HTR7: variants seen among roughly 807,000 people sequenced by gnomAD.
HTR7 encodes the protein 5-hydroxytryptamine receptor 7, also known as 5-HT-7.
Under a neutral mutation model 34.0 loss-of-function variants are expected in HTR7, and 16 were observed. The observed-to-expected ratio is 0.47, with a 90% CI of 0.32 to 0.71. The LOEUF (loss-of-function observed/expected upper bound fraction) is 0.71, where lower values mean the gene tolerates loss of function less well. HTR7 is among the 30% of genes least tolerant of loss of function. The pLI is 0.04. For synonymous variants in HTR7, 265 were observed against 260.2 expected (o/e 1.02, Z -0.18); for missense variants, 504 against 625.5 (o/e 0.81, Z 2.07).
intron 1 of HTR7, among the ~76,000 whole-genome samples, chr10:90,850,428 T>G (rs1421349052): frequency 6.6e-6 from 1 of 152,226 alleles, no homozygotes; most frequent in African/African-American, 2.4e-5. Flanking sequence ...CCTAGCATTT[T>G]CTCTGGAACA....
At chr10:90,794,978 A>G (rs938498905) in intron 1 of HTR7, among the ~76,000 whole-genome samples, 1 of 152,242 alleles carries the variant, frequency 6.6e-6, no homozygotes, top group African/African-American at 2.4e-5. Context: ...CCACTGTTAT[A>G]CATGTGGTCT....
chr10:90,791,904 G>T lies in HTR7; in HGVS notation c.540-42310C>A, dbSNP rs112824746. The stretch of plus-strand genomic sequence containing the variant: ...TCTTACAGTTCTTTGGGATTTACCT[G>T]GGAAATCTCCAAATCTGTTTTCAGT... On this transcript the variant is annotated intron_variant, in intron 1 of 3. Transcript: ENST00000336152. Among the ~76,000 whole-genome samples, 1,300 of 152,120 alleles carry T rather than the reference G, an allele frequency of 8.5e-3. 12 individuals are homozygous for T. The highest frequency in any genetic ancestry group is 0.029 in the African/African-American group (1,214 of 41,494).
At chr10:90,778,868 T>G (rs943033676) in intron 1 of HTR7, among the ~76,000 whole-genome samples, 2 of 152,200 alleles carry the variant, frequency 1.3e-5, no homozygotes, top group Admixed American at 6.5e-5. Flanking sequence ...GAACTTGAAT[T>G]TTTTAGCTTT....
intron 1 of HTR7, among the ~76,000 whole-genome samples, chr10:90,832,061 G>A (rs566892505): frequency 6.6e-6 from 1 of 152,362 alleles, no homozygotes; most frequent in East Asian, 1.9e-4. Context: ...CCCTTAGCTA[G>A]ACATAAAGAT....
rs573074898 is a variant in HTR7 at position 90,750,493 on chromosome 10, T to C, written c.540-899A>G. Among the ~76,000 whole-genome samples the C allele has an allele frequency of 2.0e-5, 3 of 152,354 alleles. No homozygotes were observed. The South Asian group carries it at 6.2e-4, about 32-fold the overall frequency. The stretch of plus-strand genomic sequence containing the variant: ...TATTTTTCAGCTTTTCAAACCTGTG[T>C]TTTCCTCATATTTAATAGTCGTAGA... On this transcript the variant is annotated intron_variant, in intron 1 of 3. Transcript: ENST00000336152.
intron 1 of HTR7, among the ~76,000 whole-genome samples, chr10:90,830,409 G>C (rs1463075859): frequency 1.3e-5 from 2 of 152,116 alleles, no homozygotes; most frequent in Non-Finnish European, 2.9e-5. Flanking sequence ...TTTTTATTCT[G>C]GAACACCTAA....
At chr10:90,804,336 A>G (rs976194256) in intron 1 of HTR7, among the ~76,000 whole-genome samples, 1 of 152,202 alleles carries the variant, frequency 6.6e-6, no homozygotes, top group Non-Finnish European at 1.5e-5. Context: ...AGGGCAGGGT[A>G]TATGTCTCCC....
intron 1 of HTR7, among the ~76,000 whole-genome samples, chr10:90,795,020 G>C (rs942883676): frequency 6.6e-6 from 1 of 152,122 alleles, no homozygotes; most frequent in Non-Finnish European, 1.5e-5. Flanking sequence ...ACTCAGCAGC[G>C]CATGACAGTA....
At chr10:90,854,191 T>C (rs1186600495) in intron 1 of HTR7, among the ~76,000 whole-genome samples, 4 of 152,196 alleles carry the variant, frequency 2.6e-5, no homozygotes, top group Admixed American at 6.5e-5. Context: ...CCGTGTCTAC[T>C]AAAATTCAAA....
Position 90,858,026 on chromosome 10 carries a change from A to G in HTR7, c.-355T>C, listed in dbSNP as rs1402469073. Among the ~76,000 whole-genome samples, 1 of 148,176 alleles carries G rather than the reference A, an allele frequency of 6.7e-6. No individual in the cohort carries two copies. Among genetic ancestry groups the G allele is most frequent in the Non-Finnish European group, 1.5e-5 (1 of 66,764 alleles). ...GAGAGCGCCCGGGCGGCAGCGGCAG[A>G]AGTTGCGGAGTGCGCCCCGCCCCTC... is the stretch of plus-strand genomic sequence containing the variant. On this transcript the variant is annotated 5_prime_UTR_variant, in exon 1 of 4. Coordinates refer to ENST00000336152, the MANE Select transcript of HTR7 (RefSeq NM_019859.4).
intron 1 of HTR7, among the ~76,000 whole-genome samples, chr10:90,814,804 A>G (rs1845873318): frequency 6.6e-6 from 1 of 152,226 alleles, no homozygotes; most frequent in Admixed American, 6.5e-5. Flanking sequence ...CCAGCATTAA[A>G]GGGCCCCAAA....
intron 1 of HTR7, among the ~76,000 whole-genome samples, chr10:90,814,341 T>C (rs529013355): frequency 2.0e-5 from 3 of 152,194 alleles, no homozygotes; most frequent in African/African-American, 7.2e-5. Flanking sequence ...TGATAAATGC[T>C]GTGGTTATAG....
chr10:90,815,935 G>A (rs12415970), intron 1 of HTR7, among the ~76,000 whole-genome samples: 42,202 of 152,022 alleles, frequency 0.28, 6,436 homozygotes, highest in African/African-American at 0.41. Flanking sequence ...TCCACTTGAG[G>A]AGCATTTACT....
intron 1 of HTR7, among the ~76,000 whole-genome samples, chr10:90,841,985 C>A (rs543417146): frequency 6.6e-6 from 1 of 151,992 alleles, no homozygotes; most frequent in African/African-American, 2.4e-5. Flanking sequence ...GGGCATAGAG[C>A]AAGACTCTGT....
intron 1 of HTR7, among the ~76,000 whole-genome samples, chr10:90,812,720 C>T (rs1589462113): frequency 6.6e-6 from 1 of 152,260 alleles, no homozygotes; most frequent in East Asian, 1.9e-4. Context: ...CCCATTCTCT[C>T]TCTCCATACC....
chr10:90,804,025 G>T (rs1028352133), intron 1 of HTR7, among the ~76,000 whole-genome samples: 5 of 152,200 alleles, frequency 3.3e-5, no homozygotes, highest in Non-Finnish European at 7.3e-5. Flanking sequence ...GAGCAGAGCA[G>T]TGTGGCAGAG....
chr10:90,791,805 C>T (rs541934974), intron 1 of HTR7, among the ~76,000 whole-genome samples: 239 of 152,118 alleles, frequency 1.6e-3, no homozygotes, highest in Non-Finnish European at 2.2e-3. Flanking sequence ...CAATTTCTCA[C>T]AAACATGAAA....
intron 1 of HTR7, among the ~76,000 whole-genome samples, chr10:90,763,816 T>C (rs1224193679): frequency 1.3e-5 from 2 of 152,242 alleles, no homozygotes; most frequent in East Asian, 1.9e-4. Flanking sequence ...TATGGCTGCA[T>C]AGTATTCCAT....
At chr10:90,817,035 G>A (rs1311225674) in intron 1 of HTR7, among the ~76,000 whole-genome samples, 2 of 152,140 alleles carry the variant, frequency 1.3e-5, no homozygotes, top group African/African-American at 4.8e-5. Flanking sequence ...CCCCACCAAG[G>A]GACAGGACGG....
Sources: allele counts gnomAD v4.1 joint callset (sites outside exome capture counted in the v4.1 genomes callset), GRCh38; gene constraint gnomAD v4.1.1; transcripts MANE v1.5; gene names NCBI Gene and HGNC (gene_info 2026-07-23, HGNC 2026-07-21).